ESR1: variants seen among roughly 807,000 people sequenced by gnomAD.
ESR1 encodes the protein estrogen receptor 1.
A neutral mutation model predicts 52.7 loss-of-function variants in ESR1; 12 were observed. That is an observed-to-expected ratio of 0.23 (90% confidence interval 0.15 to 0.37). The LOEUF (loss-of-function observed/expected upper bound fraction) is 0.37, where lower values mean the gene tolerates loss of function less well. Among genes scored for constraint, ESR1 ranks in the 10% least tolerant of loss-of-function variants. ESR1 has a pLI of 1.00. For missense variants in ESR1, 584 were observed against 779.7 expected (o/e 0.75, Z 2.99); for synonymous variants, 305 against 316.8 (o/e 0.96, Z 0.39).
chr6:151,757,869 T>A (rs1784400440), intron 2 of ESR1, among the ~76,000 whole-genome samples: 1 of 152,226 alleles, frequency 6.6e-6, no homozygotes, highest in Admixed American at 6.5e-5. Flanking sequence ...ATCCATTTCC[T>A]GTAATAAGGC....
intron 4 of ESR1, among the ~76,000 whole-genome samples, chr6:151,968,763 G>C (rs146105064): frequency 2.0e-5 from 3 of 152,126 alleles, no homozygotes; most frequent in Admixed American, 2.0e-4. Context: ...CGGGTCAGTG[G>C]ATGGAGCATT....
Position 151,769,110 on chromosome 6 carries a change from C to T in ESR1, c.-70-38733C>T, listed in dbSNP as rs74445278. On this transcript the variant is annotated intron_variant, in intron 2 of 2. Transcript: ENST00000404742. ...ATTTTATTATCTTGATATTGACTTA[C>T]GTATTTAGGTAGATCTGAATAGCAG... Among the ~76,000 whole-genome samples the T allele has an allele frequency of 4.6e-5, 7 of 152,240 alleles. 1 individual carries two copies. Among genetic ancestry groups the T allele is most frequent in the African/African-American group, 1.4e-4 (6 of 41,534 alleles).
At chr6:151,856,841 C>CT (rs368741135) in intron 2 of ESR1, among the ~76,000 whole-genome samples, 1 of 152,080 alleles carries the variant, frequency 6.6e-6, no homozygotes, top group East Asian at 1.9e-4. Context: ...AAGTACCCTT[C>CT]TTTTTTTCTG....
At chr6:151,659,689 T>C (rs1219028397) in intron 1 of ESR1, among the ~76,000 whole-genome samples, 1 of 152,106 alleles carries the variant, frequency 6.6e-6, no homozygotes, top group Non-Finnish European at 1.5e-5. Flanking sequence ...CTAATAACAC[T>C]CCAGTCTCAC....
chr6:151,720,500 C>T (rs1251936338), intron 2 of ESR1, among the ~76,000 whole-genome samples: 1 of 152,158 alleles, frequency 6.6e-6, no homozygotes, highest in Non-Finnish European at 1.5e-5. Flanking sequence ...AAAAATGCTG[C>T]AAACTTTGTG....
At chr6:152,114,660 G>A (rs2051185295) in intron 6 of ESR1, among the ~76,000 whole-genome samples, 6 of 151,912 alleles carry the variant, frequency 3.9e-5, no homozygotes, top group Admixed American at 3.9e-4. Flanking sequence ...GGGAGGCCGA[G>A]GCGGGCGGAT....
chr6:151,803,621 C>T (rs887159070), upstream of ESR1, among the ~76,000 whole-genome samples: 1 of 151,966 alleles, frequency 6.6e-6, no homozygotes, highest in Non-Finnish European at 1.5e-5. Flanking sequence ...AGAAAGTAAA[C>T]AGGTTGCAGG....
rs1171923619 is a variant in ESR1 at position 151,808,367 on chromosome 6, A to ACCCGCG, written c.452+12_452+17dup. 15 of 1,170,198 alleles carry ACCCGCG rather than the reference A, an allele frequency of 1.3e-5. No individual in the cohort carries two copies. The Admixed American group carries it at 4.0e-4, about 32-fold the overall frequency. 72.5% of individuals were successfully genotyped at this position (1,170,198 alleles called of 1,614,324 possible). A position where few individuals can be genotyped will look rare whatever the true frequency, so the allele number is the denominator to read the frequency against. On this transcript the variant is annotated splice_donor_region_variant and intron_variant, in intron 1 of 7. Transcript: ENST00000206249. ...GCCGGCCCGCCGGCATTCTACAGGT[A>ACCCGCG]CCCGCGCCCGCGCCGCCCGTCGGGG...
chr6:151,734,770 G>A (rs2982559), intron 2 of ESR1, among the ~76,000 whole-genome samples: 73,374 of 151,708 alleles, frequency 0.48, 19,191 homozygotes, highest in Non-Finnish European at 0.58. Flanking sequence ...TTACAGGCTT[G>A]AACCACCATG....
intron 6 of ESR1, among the ~76,000 whole-genome samples, chr6:152,110,221 T>G (rs1316460962): frequency 6.6e-6 from 1 of 152,144 alleles, no homozygotes; most frequent in East Asian, 1.9e-4. Context: ...TTACTGAGAG[T>G]TGCTGAGTAC....
At chr6:151,966,805 T>C (rs1193364969) in intron 4 of ESR1, among the ~76,000 whole-genome samples, 3 of 152,210 alleles carry the variant, frequency 2.0e-5, no homozygotes, top group African/African-American at 7.2e-5. Flanking sequence ...ACACTCTGAA[T>C]GCAGGGCACG....
chr6:151,933,413 G>C (rs1253931792), intron 3 of ESR1, among the ~76,000 whole-genome samples: 1 of 150,722 alleles, frequency 6.6e-6, no homozygotes, highest in Non-Finnish European at 1.5e-5. Context: ...GGGACAATTT[G>C]ACTTCCTCTT....
upstream of ESR1, chr6:151,804,564 T>C (rs976712074): frequency 6.6e-6 from 1 of 151,814 alleles, no homozygotes; most frequent in Non-Finnish European, 1.5e-5. Flanking sequence ...AGCTCTCCTG[T>C]GCTCAAACAC....
chr6:151,912,956 A>G (rs542216136), intron 3 of ESR1, among the ~76,000 whole-genome samples: 2 of 152,164 alleles, frequency 1.3e-5, no homozygotes, highest in East Asian at 3.9e-4. Flanking sequence ...CATTAGGACA[A>G]ATACCTAATG....
Position 151,863,693 on chromosome 6 carries a change from G to A in ESR1, c.644-16962G>A, listed in dbSNP as rs369012472. Among the ~76,000 whole-genome samples the A allele has an allele frequency of 1.2e-4, 18 of 152,202 alleles. No homozygotes were observed. In the East Asian group the frequency reaches 2.7e-3, roughly 23 times the overall value. The stretch of plus-strand genomic sequence containing the variant: ...TTCCAACACTATGTTGAATAGGATG[G>A]TACTGGTACCAAAACAGAGATATAG... On this transcript the variant is annotated intron_variant, in intron 2 of 7. Coordinates refer to ENST00000206249, the MANE Select transcript of ESR1 (RefSeq NM_000125.4).
At chr6:151,722,219 G>A (rs970040449) in intron 2 of ESR1, among the ~76,000 whole-genome samples, 1 of 152,234 alleles carries the variant, frequency 6.6e-6, no homozygotes, top group African/African-American at 2.4e-5. Context: ...GTGAAGGCTT[G>A]TGCTTCAGCA....
intron 1 of ESR1, among the ~76,000 whole-genome samples, chr6:151,811,693 A>C (rs1202601569): frequency 6.6e-6 from 1 of 152,192 alleles, no homozygotes; most frequent in Middle Eastern, 3.2e-3. Flanking sequence ...CCTTTTACTT[A>C]GATAACATTT....
intron 2 of ESR1, among the ~76,000 whole-genome samples, chr6:151,847,754 A>G (rs552694949): frequency 5.6e-4 from 73 of 129,328 alleles, no homozygotes; most frequent in African/African-American, 2.1e-3. Context: ...ATTAGATCCC[A>G]TTTGTCAATT....
chr6:152,020,677 C>T (rs931353181), intron 5 of ESR1, among the ~76,000 whole-genome samples: 1 of 152,108 alleles, frequency 6.6e-6, no homozygotes, highest in African/African-American at 2.4e-5. Context: ...TCTGGAACTC[C>T]TGGCCTCAAG....
Sources: gnomAD v4.1 joint callset for allele counts (sites outside exome capture counted in the v4.1 genomes callset) on GRCh38, gnomAD v4.1.1 for gene constraint, MANE v1.5 for transcripts, NCBI Gene and HGNC (gene_info 2026-07-23, HGNC 2026-07-21) for gene names.